Variants in DYNC1I2 observed in about 807,000 individuals in gnomAD.
DYNC1I2 encodes the protein cytoplasmic dynein 1 intermediate chain 2.
In DYNC1I2, 53 loss-of-function variants were observed where a neutral mutation model predicts 88.6. The observed-to-expected ratio is 0.60, with a 90% CI of 0.48 to 0.75. The LOEUF is 0.75. DYNC1I2 is among the 30% of genes least tolerant of loss of function. The pLI, the probability that DYNC1I2 is intolerant of heterozygous loss-of-function variation, is 0.00. For missense variants in DYNC1I2, 458 were observed against 766.6 expected (o/e 0.60, Z 4.75); for synonymous variants, 198 against 254.6 (o/e 0.78, Z 2.12).
At chr2:171,739,043 G>A (rs1356310983) in intron 15 of DYNC1I2, among the ~76,000 whole-genome samples, 1 of 150,114 alleles carries the variant, frequency 6.7e-6, no homozygotes, top group Non-Finnish European at 1.5e-5. Context: ...AGCTCCTCGG[G>A]AGGCAGAGGT....
intron 7 of DYNC1I2, among the ~76,000 whole-genome samples, chr2:171,718,971 G>A (rs1277057511): frequency 6.6e-6 from 1 of 152,168 alleles, no homozygotes; most frequent in Non-Finnish European, 1.5e-5. Flanking sequence ...TCTACGATGT[G>A]CTTTCTCTTG....
At chr2:171,745,738 T>C in intron 16 of DYNC1I2, 64 bp from the exon 17 acceptor site, 4 of 1,527,186 alleles carry the variant, frequency 2.6e-6, no homozygotes, top group Non-Finnish European at 3.6e-6. Flanking sequence ...GAATTACTGT[T>C]TTACATGTTT....
At chr2:171,722,433 A>G (rs1405882068) in intron 7 of DYNC1I2, among the ~76,000 whole-genome samples, 1 of 152,146 alleles carries the variant, frequency 6.6e-6, no homozygotes, top group East Asian at 1.9e-4. Flanking sequence ...GGAGTTAACC[A>G]CTTTAGCATA....
At chr2:171,716,610 A>G (rs1216913082) in intron 7 of DYNC1I2, among the ~76,000 whole-genome samples, 4 of 152,134 alleles carry the variant, frequency 2.6e-5, no homozygotes, top group Non-Finnish European at 4.4e-5. Context: ...CTAAACCTAA[A>G]AAAAAGTTAG....
At chr2:171,746,562 A>G (rs779455711) in intron 17 of DYNC1I2, among the ~76,000 whole-genome samples, 1 of 152,092 alleles carries the variant, frequency 6.6e-6, no homozygotes, top group Admixed American at 6.5e-5. Flanking sequence ...TGGATATCCC[A>G]TGGCCTCTAG....
intron 15 of DYNC1I2, among the ~76,000 whole-genome samples, chr2:171,739,968 G>A (rs908547355): frequency 1.3e-5 from 2 of 151,874 alleles, no homozygotes; most frequent in African/African-American, 4.8e-5. Flanking sequence ...AGCCCTCCTC[G>A]GCTTTCCAAA....
intron 7 of DYNC1I2, among the ~76,000 whole-genome samples, chr2:171,722,975 A>C (rs963918650): frequency 6.6e-6 from 1 of 152,246 alleles, no homozygotes; most frequent in Non-Finnish European, 1.5e-5. Flanking sequence ...TACAACTGAA[A>C]TAATTTATAT....
intron 15 of DYNC1I2, among the ~76,000 whole-genome samples, chr2:171,730,832 A>G (rs1389369086): frequency 6.6e-6 from 1 of 152,112 alleles, no homozygotes; most frequent in African/African-American, 2.4e-5. Context: ...GATGTTCTTC[A>G]CTATTTTAGT....
rs1686692297 is a variant in DYNC1I2, at chr2:171,706,579, A to G, written c.244+15A>G. On this transcript the variant is annotated intron_variant, in intron 4 of 17. Transcript: ENST00000397119. Reference sequence around the variant, plus strand: ...TGAATACTGGGGTAAGGAAGTTCCCATAAGTCTTGCCTTGTTTATTTGCAT... The same window carrying G: ...TGAATACTGGGGTAAGGAAGTTCCCGTAAGTCTTGCCTTGTTTATTTGCAT... 1 of 1,611,110 alleles carries G rather than the reference A, an allele frequency of 6.2e-7. No individual in the cohort carries two copies. The highest frequency in any genetic ancestry group is 2.2e-5 in the East Asian group (1 of 44,774).
rs563380887 is a variant in DYNC1I2 at position 171,738,576 on chromosome 2, A to G, written c.1537-5473A>G. 1.2e-4 allele frequency among the ~76,000 whole-genome samples: 19 copies of G among 152,280 alleles called. No individual in the cohort carries two copies. The East Asian group carries it at 3.7e-3, about 29-fold the overall frequency. ...TGAGCATAATTGTAGATGTCTTTTG[A>G]TGGCCATAAGCACTCATTTCTTTTG... On this transcript the variant is annotated intron_variant, in intron 15 of 17. Transcript: ENST00000397119.
intron 7 of DYNC1I2, among the ~76,000 whole-genome samples, chr2:171,721,235 C>T (rs1347635748): frequency 2.0e-5 from 3 of 149,400 alleles, no homozygotes; most frequent in African/African-American, 7.4e-5. Context: ...GTTAGCATTA[C>T]ATCTGTATTG....
chr2:171,747,717 T>C (rs1689897912), intron 17 of DYNC1I2, 59 bp from the exon 18 acceptor site: 2 of 1,218,996 alleles, frequency 1.6e-6, no homozygotes, highest in East Asian at 2.5e-5. Flanking sequence ...AACTGAATAA[T>C]AGTGGGTAAA....
intron 2 of DYNC1I2, among the ~76,000 whole-genome samples, chr2:171,692,383 A>G (rs1423739005): frequency 2.6e-5 from 4 of 152,100 alleles, no homozygotes; most frequent in African/African-American, 9.7e-5. Context: ...AAATAATTAC[A>G]CTTTAATTTT....
At chr2:171,740,803 C>A (rs1689369671) in intron 15 of DYNC1I2, among the ~76,000 whole-genome samples, 1 of 152,024 alleles carries the variant, frequency 6.6e-6, no homozygotes, top group African/African-American at 2.4e-5. Context: ...TTTTATTGAG[C>A]AAAACCCTTA....
At chr2:171,694,936 G>A (rs1685653055) in intron 3 of DYNC1I2, among the ~76,000 whole-genome samples, 1 of 152,064 alleles carries the variant, frequency 6.6e-6, no homozygotes, top group Admixed American at 6.6e-5. Flanking sequence ...GATTTGGAGG[G>A]GATGTCCAAA....
intron 16 of DYNC1I2, among the ~76,000 whole-genome samples, chr2:171,744,828 A>C (rs1409695669): frequency 6.6e-6 from 1 of 152,186 alleles, no homozygotes; most frequent in African/African-American, 2.4e-5. Context: ...AAATGTTCTT[A>C]GAATTCTATT....
chr2:171,733,923 G>A (rs2105733578), intron 15 of DYNC1I2, among the ~76,000 whole-genome samples: 1 of 152,108 alleles, frequency 6.6e-6, no homozygotes, highest in South Asian at 2.1e-4. Context: ...GTTTTTTGTA[G>A]TTTGGGGTTT....
rs142127955 is a variant in DYNC1I2, at chr2:171,716,884, C to T, written c.511+1441C>T. Among the ~76,000 whole-genome samples, 96 of 142,722 alleles carry T rather than the reference C, an allele frequency of 6.7e-4. 1 individual carries two copies. The highest frequency in any genetic ancestry group is 2.2e-3 in the African/African-American group (85 of 37,912). The allele number at this position is 142,722 out of a possible 152,430, so 93.6% of individuals were successfully genotyped here. On this transcript the variant is annotated intron_variant, in intron 7 of 17. Coordinates refer to ENST00000397119, the MANE Select transcript of DYNC1I2 (RefSeq NM_001378.3). ...TTGCGCCACTGCACTCCAGCCTGAG[C>T]GACAGAGCAAGACTCCGTTTAAAAA... is the stretch of plus-strand genomic sequence containing the variant.
intron 10 of DYNC1I2, 54 bp from the exon 11 acceptor site, chr2:171,726,737 A>G: frequency 6.3e-7 from 1 of 1,595,766 alleles, no homozygotes; most frequent in Non-Finnish European, 8.5e-7. Context: ...CTAGGATTAT[A>G]AAACAGTTCT....
Sources: gnomAD v4.1 joint callset for allele counts (sites outside exome capture counted in the v4.1 genomes callset) on GRCh38, gnomAD v4.1.1 for gene constraint, MANE v1.5 for transcripts, NCBI Gene and HGNC (gene_info 2026-07-23, HGNC 2026-07-21) for gene names.